Variants in AKAP13 observed in about 807,000 individuals in gnomAD.
The protein encoded by AKAP13 is A-kinase anchoring protein 13.
AKAP13 carries 80 observed loss-of-function variants against 264.5 expected under a neutral mutation model. That is an observed-to-expected ratio of 0.30 (90% confidence interval 0.25 to 0.36). The LOEUF is 0.36. AKAP13 is among the 10% of genes least tolerant of loss of function. AKAP13 has a pLI of 1.00. For synonymous variants in AKAP13, 1,380 were observed against 1,250.2 expected, an observed-to-expected ratio of 1.10 and a Z score of -2.19; for missense variants, 3,712 against 3,435.2, an observed-to-expected ratio of 1.08 and a Z score of -2.01.
At chr15:85,529,596 A>G (rs948189480) in intron 3 of AKAP13, among the ~76,000 whole-genome samples, 1 of 152,202 alleles carries the variant, frequency 6.6e-6, no homozygotes, top group Non-Finnish European at 1.5e-5. Flanking sequence ...CTTTTTAAAA[A>G]ATGCTGATTT....
chr15:85,575,000 T>G, intron 5 of AKAP13, 131 bp from the exon 6 acceptor site: 1 of 721,738 alleles, frequency 1.4e-6, no homozygotes, highest in Non-Finnish European at 2.3e-6. Flanking sequence ...ATTTGGGAGG[T>G]ATATATACTA....
intron 1 of AKAP13, among the ~76,000 whole-genome samples, chr15:85,442,913 G>A (rs1722658082): frequency 6.6e-6 from 1 of 152,092 alleles, no homozygotes; most frequent in Non-Finnish European, 1.5e-5. Flanking sequence ...AGAAAGCTCT[G>A]TGAAGCATTA....
chr15:85,562,290 C>T (rs1386278378), intron 5 of AKAP13, among the ~76,000 whole-genome samples: 1 of 151,926 alleles, frequency 6.6e-6, no homozygotes, highest in African/African-American at 2.4e-5. Context: ...CTCGGCCGGG[C>T]GTGGTGGCTC....
chr15:85,540,652 A>G (rs1223590712), intron 4 of AKAP13, among the ~76,000 whole-genome samples: 1 of 152,230 alleles, frequency 6.6e-6, no homozygotes, highest in Non-Finnish European at 1.5e-5. Context: ...TAAACACAAA[A>G]GGAAGAAAGC....
intron 19 of AKAP13, among the ~76,000 whole-genome samples, chr15:85,711,384 T>C (rs1028095417): frequency 1.3e-5 from 2 of 152,216 alleles, no homozygotes; most frequent in Admixed American, 6.5e-5. Flanking sequence ...ATTCCTACTT[T>C]AGTATATTTA....
At chr15:85,483,146 T>C (rs1345361501) in intron 1 of AKAP13, among the ~76,000 whole-genome samples, 1 of 152,230 alleles carries the variant, frequency 6.6e-6, no homozygotes, top group African/African-American at 2.4e-5. Flanking sequence ...TTCAGTTAAA[T>C]TGATGTTTGT....
intron 12 of AKAP13, among the ~76,000 whole-genome samples, chr15:85,661,189 C>G (rs932464419): frequency 6.6e-6 from 1 of 152,022 alleles, no homozygotes; most frequent in African/African-American, 2.4e-5. Context: ...CATGCAGTTT[C>G]CTTTATAGAA....
intron 2 of AKAP13, among the ~76,000 whole-genome samples, chr15:85,499,736 C>G (rs764826797): frequency 1.3e-5 from 2 of 152,086 alleles, no homozygotes; most frequent in East Asian, 1.9e-4. Flanking sequence ...TCTGTGGAGC[C>G]CCTCCTGAGC....
At chr15:85,436,070 C>A (rs2073272790) in intron 1 of AKAP13, among the ~76,000 whole-genome samples, 4 of 138,884 alleles carry the variant, frequency 2.9e-5, no homozygotes, top group African/African-American at 8.2e-5. Context: ...TTCAGGAAAC[C>A]CATCTCACAT....
At position 85,506,146 on chromosome 15, in the gene AKAP13, A is replaced by G. The variant is rs559244471; in HGVS notation, c.34-15282A>G. Among the ~76,000 whole-genome samples, 4 of 152,234 alleles carry G rather than the reference A, an allele frequency of 2.6e-5. No homozygotes were observed. The East Asian group carries it at 7.7e-4, about 29-fold the overall frequency. Reference sequence around the variant, plus strand: ...ACTCCGTCTCTACTAATACAGAAAAATTAGCCGGGCACCTGTAATCCCAGC... The same window carrying G: ...ACTCCGTCTCTACTAATACAGAAAAGTTAGCCGGGCACCTGTAATCCCAGC... On this transcript the variant is annotated intron_variant, in intron 2 of 36. Transcript: ENST00000394518.
At chr15:85,517,735 T>TG in intron 2 of AKAP13, among the ~76,000 whole-genome samples, 1 of 152,064 alleles carries the variant, frequency 6.6e-6, no homozygotes, top group Non-Finnish European at 1.5e-5. Context: ...TTTATTTATA[T>TG]GGGGGTGGGG....
intron 25 of AKAP13, 42 bp downstream of exon 25, chr15:85,722,389 G>GT (rs764578803): frequency 9.3e-6 from 14 of 1,501,410 alleles, no homozygotes; most frequent in African/African-American, 1.4e-5. Context: ...GTCATGGACT[G>GT]TTTCCTCTGT....
chr15:85,445,734 CACAA>C (rs1366157640), intron 1 of AKAP13, among the ~76,000 whole-genome samples: 2 of 152,024 alleles, frequency 1.3e-5, no homozygotes, highest in Non-Finnish European at 2.9e-5. Flanking sequence ...AAAATTAAGG[CACAA>C]ACAGAGAGAG....
chr15:85,576,634 G>A (rs2079024640), intron 6 of AKAP13, among the ~76,000 whole-genome samples: 1 of 152,210 alleles, frequency 6.6e-6, no homozygotes, highest in African/African-American at 2.4e-5. Flanking sequence ...TCAGCTCAAT[G>A]CCAGAGGCTT....
intron 14 of AKAP13, among the ~76,000 whole-genome samples, chr15:85,681,014 C>T (rs1157878894): frequency 6.6e-6 from 1 of 152,062 alleles, no homozygotes; most frequent in East Asian, 1.9e-4. Context: ...GAAGGGGTTT[C>T]ACCATGTTGG....
At position 85,638,164 on chromosome 15, in the gene AKAP13, G is replaced by A. The variant is rs571299620; in HGVS notation, c.4162-1210G>A. Among the ~76,000 whole-genome samples, 8 of 152,140 alleles carry A rather than the reference G, an allele frequency of 5.3e-5. No individual in the cohort carries two copies. In the South Asian group the frequency reaches 1.7e-3, roughly 32 times the overall value. ...CTCCTAAAGTGCTGGGATTACAGGC[G>A]TGCCACGCCCAGCCTATTTAGAAGT... On this transcript the variant is annotated intron_variant, in intron 8 of 36. Transcript: ENST00000394518.
chr15:85,660,222 A>G lies in AKAP13; in HGVS notation c.4799+1632A>G, dbSNP rs532104975. On this transcript the variant is annotated intron_variant, in intron 12 of 36. Coordinates refer to ENST00000394518, the MANE Select transcript of AKAP13 (RefSeq NM_007200.5). ...ACAAAAATTAGCTAGGTGTGGTGGC[A>G]TGCACCTGTAATCCCAGCTACTCAG... is the stretch of plus-strand genomic sequence containing the variant. Among the ~76,000 whole-genome samples the G allele has an allele frequency of 2.2e-4, 34 of 152,104 alleles. 1 individual carries two copies. The highest frequency in any genetic ancestry group is 7.5e-4 in the African/African-American group (31 of 41,490).
At chr15:85,450,225 C>G (rs1000376656) in intron 1 of AKAP13, among the ~76,000 whole-genome samples, 8 of 152,018 alleles carry the variant, frequency 5.3e-5, no homozygotes, top group Admixed American at 4.6e-4. Context: ...GTAGTAGTTT[C>G]TCATGATTGT....
At chr15:85,658,664 T>A in intron 12 of AKAP13, 74 bp downstream of exon 12, 2 of 1,317,486 alleles carry the variant, frequency 1.5e-6, no homozygotes, top group Non-Finnish European at 2.1e-6. Context: ...TCATTCTGCT[T>A]AATCCATGAT....
Sources: allele counts gnomAD v4.1 joint callset (sites outside exome capture counted in the v4.1 genomes callset), GRCh38; gene constraint gnomAD v4.1.1; transcripts MANE v1.5; gene names NCBI Gene and HGNC (gene_info 2026-07-23, HGNC 2026-07-21).